TBXAS1: variants seen among roughly 807,000 people sequenced by gnomAD.
TBXAS1 encodes the protein thromboxane-A synthase.
Under a neutral mutation model 60.7 loss-of-function variants are expected in TBXAS1, and 48 were observed. The observed-to-expected ratio is 0.79, with a 90% CI of 0.63 to 1.01. TBXAS1 has a LOEUF of 1.01. Ranked by LOEUF, TBXAS1 falls within the 50% of genes least tolerant of loss-of-function variation. TBXAS1 has a pLI of 0.00. For synonymous variants in TBXAS1, 287 were observed against 269.7 expected (o/e 1.06, Z -0.63); for missense variants, 685 against 686.3 (o/e 1.00, Z 0.02).
intron 5 of TBXAS1, among the ~76,000 whole-genome samples, chr7:139,936,869 G>C (rs144375476): frequency 6.6e-6 from 1 of 152,132 alleles, no homozygotes; most frequent in African/African-American, 2.4e-5. Flanking sequence ...AGGAGTGGGC[G>C]ATCATGTCAG....
intron 1 of TBXAS1, among the ~76,000 whole-genome samples, chr7:139,839,426 G>A (rs1270363981): frequency 6.6e-6 from 1 of 152,124 alleles, no homozygotes; most frequent in Non-Finnish European, 1.5e-5. Flanking sequence ...AAGCGGCAAG[G>A]AAGGTGAGTA....
chr7:139,940,675 C>A (rs1326949784), intron 5 of TBXAS1, among the ~76,000 whole-genome samples: 2 of 152,170 alleles, frequency 1.3e-5, no homozygotes, highest in Non-Finnish European at 2.9e-5. Flanking sequence ...AGCTAACATT[C>A]CATTTTGTTT....
chr7:140,014,947 A>G lies in TBXAS1; in HGVS notation c.1227-776A>G, dbSNP rs116628387. 4.3e-3 allele frequency among the ~76,000 whole-genome samples: 645 copies of G among 151,706 alleles called. 5 individuals carry two copies. Among genetic ancestry groups the G allele is most frequent in the African/African-American group, 0.015 (615 of 41,324 alleles). On this transcript the variant is annotated intron_variant, in intron 10 of 12. Coordinates refer to ENST00000448866, the MANE Select transcript of TBXAS1 (RefSeq NM_001061.7). ...AAGAAGAAAGAAGGAGGAGGAGGAGAAGAAGAAGAGGAGGAGGAGGATGCA... is the reference window on the plus strand; with the variant it reads ...AAGAAGAAAGAAGGAGGAGGAGGAGGAGAAGAAGAGGAGGAGGAGGATGCA...
intron 10 of TBXAS1, 145 bp from the exon 11 acceptor site, chr7:140,015,578 G>A: frequency 1.1e-6 from 1 of 933,212 alleles, no homozygotes; most frequent in Non-Finnish European, 1.7e-6. Flanking sequence ...GCTGAGCAGG[G>A]GGTCCTCTGT....
chr7:139,986,622 A>T (rs1408238146), intron 9 of TBXAS1, among the ~76,000 whole-genome samples: 2 of 150,830 alleles, frequency 1.3e-5, no homozygotes, highest in African/African-American at 4.9e-5. Context: ...TTGGTTTTCC[A>T]TTCCTAAGTT....
Position 139,829,371 on chromosome 7 carries a change from T to G in TBXAS1, c.-20T>G, listed in dbSNP as rs780432038. On this transcript the variant is annotated 5_prime_UTR_variant, in exon 1 of 13. Coordinates refer to ENST00000448866, the MANE Select transcript of TBXAS1 (RefSeq NM_001061.7). ...CCTGTCTCATCTGGAAGACCACCACTCTGGGGTCTCAGAGGAATGATGGAA... is the reference window on the plus strand; with the variant it reads ...CCTGTCTCATCTGGAAGACCACCACGCTGGGGTCTCAGAGGAATGATGGAA... The G allele has an allele frequency of 3.7e-6, 6 of 1,610,262 alleles. No individual in the cohort carries two copies. In the South Asian group the frequency reaches 6.6e-5, roughly 18 times the overall value.
chr7:139,828,680 G>A (rs911580185), upstream of TBXAS1, among the ~76,000 whole-genome samples: 1 of 152,142 alleles, frequency 6.6e-6, no homozygotes, highest in African/African-American at 2.4e-5. Flanking sequence ...TAGAACAAAG[G>A]ACCCATATAT....
intron 8 of TBXAS1, among the ~76,000 whole-genome samples, chr7:139,958,887 C>T (rs1283597628): frequency 6.6e-6 from 1 of 152,204 alleles, no homozygotes; most frequent in Non-Finnish European, 1.5e-5. Context: ...AAGGACAGAA[C>T]ATTCTGATCC....
intron 4 of TBXAS1, among the ~76,000 whole-genome samples, chr7:139,791,287 G>A (rs1168980242): frequency 6.6e-6 from 1 of 152,214 alleles, no homozygotes; most frequent in East Asian, 1.9e-4. Context: ...TTAGTGAGTG[G>A]CCTTCCACAT....
At chr7:140,002,421 A>G (rs1813736696) in intron 9 of TBXAS1, among the ~76,000 whole-genome samples, 1 of 152,222 alleles carries the variant, frequency 6.6e-6, no homozygotes, top group Non-Finnish European at 1.5e-5. Context: ...AGGATTTCCA[A>G]GGTCCTTTCC....
upstream of TBXAS1, among the ~76,000 whole-genome samples, chr7:139,828,833 G>A (rs1798525970): frequency 6.6e-6 from 1 of 152,200 alleles, no homozygotes; most frequent in African/African-American, 2.4e-5. Context: ...GACTTGGTGG[G>A]ATGGTTGTCC....
chr7:139,976,064 G>A lies in TBXAS1; in HGVS notation c.1134+13831G>A, dbSNP rs1035799887. On this transcript the variant is annotated intron_variant, in intron 9 of 12. Coordinates refer to ENST00000448866, the MANE Select transcript of TBXAS1 (RefSeq NM_001061.7). ...GTTCCATCCCTCTGGGATTTTCCACGAATTGCATTTCCTTGTAGTTCATTT... is the reference window on the plus strand; with the variant it reads ...GTTCCATCCCTCTGGGATTTTCCACAAATTGCATTTCCTTGTAGTTCATTT... Among the ~76,000 whole-genome samples the A allele has an allele frequency of 5.3e-5, 8 of 152,142 alleles. No individual in the cohort carries two copies. In the East Asian group the frequency reaches 9.6e-4, roughly 18 times the overall value.
chr7:139,815,673 T>C (rs1321283925), intron 4 of TBXAS1, among the ~76,000 whole-genome samples: 4 of 152,158 alleles, frequency 2.6e-5, no homozygotes, highest in African/African-American at 4.8e-5. Context: ...AAGAATCCTA[T>C]TGGGAGATAA....
At chr7:139,849,771 A>G (rs1800084780) in intron 1 of TBXAS1, among the ~76,000 whole-genome samples, 1 of 152,238 alleles carries the variant, frequency 6.6e-6, no homozygotes, top group Admixed American at 6.5e-5. Context: ...TCAGAAGACC[A>G]GGGGAAACCT....
rs1226491578 is a variant in TBXAS1 at position 139,972,591 on chromosome 7, G to A, written c.1134+10358G>A. On this transcript the variant is annotated intron_variant, in intron 9 of 12. Transcript: ENST00000448866. ...TCCCCAGACTCTGTTGACCAAAGTC[G>A]CTTTCACACCAGTGGAGTGGAAGCT... Among the ~76,000 whole-genome samples the A allele has an allele frequency of 3.9e-5, 6 of 152,020 alleles. No individual in the cohort carries two copies. The South Asian group carries it at 6.2e-4, about 16-fold the overall frequency.
rs374616816 is a variant in TBXAS1, at chr7:139,962,227, G to C, written c.1128G>C (p.Glu376Asp). 3.1e-6 allele frequency: 5 copies of C among 1,613,994 alleles called. No individual in the cohort carries two copies. Among genetic ancestry groups the C allele is most frequent in the Non-Finnish European group, 4.2e-6 (5 of 1,180,046 alleles). The stretch of plus-strand genomic sequence containing the variant: ...TGAGAGAGGTAGACGTTTTTAAGGA[G>C]AAACACGTGAGTACAAGTTGGATCC... ...KLLREVDVFK[E>D]KHMAPEFCSL... is the part of the protein sequence containing the mutation. Residue 376 changes from glutamate (E) to aspartate (D), a missense_variant, in exon 9 of 13, where the codon GAG (glutamate) becomes GAC (aspartate). Glu to Asp is a conservative substitution (Grantham distance 45). Coordinates refer to ENST00000448866, the MANE Select transcript of TBXAS1 (RefSeq NM_001061.7).
intron 4 of TBXAS1, among the ~76,000 whole-genome samples, chr7:139,790,676 A>G (rs1797354547): frequency 6.6e-6 from 1 of 152,258 alleles, no homozygotes; most frequent in Admixed American, 6.5e-5. Context: ...TTTTTCTTGC[A>G]CCTATGAATT....
At chr7:139,828,942 T>A (rs1197024000), upstream of TBXAS1, among the ~76,000 whole-genome samples, 1 of 152,198 alleles carries the variant, frequency 6.6e-6, no homozygotes, top group African/African-American at 2.4e-5. Context: ...ATTGTGAATT[T>A]AAAAAATTAT....
Position 139,778,753 on chromosome 7 carries a change from C to A in TBXAS1, c.-318+282C>A, listed in dbSNP as rs1191692323. On this transcript the variant is annotated intron_variant, in intron 1 of 16. Coordinates refer to the TBXAS1 transcript ENST00000336425. The surrounding 1 kb of genome is among the most constrained non-coding windows in gnomAD (Gnocchi z 4.8). ...CTCTCTGGGTCCTCGCTTTTCTCAG[C>A]GCTCTCTCCTATCAGGGCTTCCGCT... is the stretch of plus-strand genomic sequence containing the variant. Among the ~76,000 whole-genome samples the A allele has an allele frequency of 6.6e-6, 1 of 152,156 alleles. No homozygotes were observed. The highest frequency in any genetic ancestry group is 1.9e-4 in the East Asian group (1 of 5,172).
Sources: allele counts gnomAD v4.1 joint callset (sites outside exome capture counted in the v4.1 genomes callset), GRCh38; gene constraint gnomAD v4.1.1; non-coding constraint Gnocchi (gnomAD v3.1); transcripts MANE v1.5; gene names NCBI Gene and HGNC (gene_info 2026-07-23, HGNC 2026-07-21).